Variants in ILRUN observed in about 807,000 individuals in gnomAD.
ILRUN encodes protein ILRUN.
ILRUN carries 3 observed loss-of-function variants against 33.8 expected under a neutral mutation model. The ratio of observed to expected loss-of-function variants is 0.09; its 90% CI spans 0.04 to 0.23. ILRUN has a LOEUF of 0.23. Ranked by LOEUF, ILRUN falls within the 10% of genes least tolerant of loss-of-function variation. The probability of loss-of-function intolerance (pLI) is 1.00; values close to 1 mark genes in which losing one functional copy is unlikely to be tolerated. For missense variants in ILRUN, 210 were observed against 375.1 expected (o/e 0.56, Z 3.64); for synonymous variants, 124 against 138.9 (o/e 0.89, Z 0.75).
chr6:34,650,571 C>G (rs1762644886), intron 2 of ILRUN, among the ~76,000 whole-genome samples: 1 of 151,948 alleles, frequency 6.6e-6, no homozygotes, highest in South Asian at 2.1e-4. Context: ...CGTGGGATTA[C>G]AGGCGCCTGC....
chr6:34,654,586 G>A (rs932133711), intron 2 of ILRUN, 39 bp downstream of exon 2: 1 of 1,558,662 alleles, frequency 6.4e-7, no homozygotes, highest in Non-Finnish European at 8.7e-7. Flanking sequence ...TTAAGAAAAT[G>A]AAAACTAGGC....
chr6:34,615,382 G>A (rs1761864111), intron 3 of ILRUN, among the ~76,000 whole-genome samples: 3 of 151,450 alleles, frequency 2.0e-5, no homozygotes, highest in South Asian at 4.2e-4. Flanking sequence ...GATCACCTAA[G>A]GTCAGGAGTT....
intron 3 of ILRUN, among the ~76,000 whole-genome samples, 172 bp from the exon 4 acceptor site, chr6:34,607,076 G>A (rs1400529956): frequency 2.6e-5 from 4 of 152,174 alleles, no homozygotes; most frequent in Non-Finnish European, 5.9e-5. Context: ...TGCATGCATA[G>A]CTACATTTTT....
chr6:34,686,744 G>C (rs376607864), intron 1 of ILRUN: 1 of 194,126 alleles, frequency 5.2e-6, no homozygotes, highest in African/African-American at 2.4e-5. Flanking sequence ...AGAGGCGGGC[G>C]GATCACGAGG....
chr6:34,652,967 C>T (rs979419258), intron 2 of ILRUN, among the ~76,000 whole-genome samples: 8 of 151,400 alleles, frequency 5.3e-5, no homozygotes, highest in African/African-American at 1.9e-4. Context: ...CACAATGAAA[C>T]CCTATTTCTA....
intron 1 of ILRUN, among the ~76,000 whole-genome samples, chr6:34,693,147 T>G (rs971633506): frequency 1.3e-5 from 2 of 152,088 alleles, no homozygotes; most frequent in African/African-American, 4.8e-5. Flanking sequence ...AGTATTAGAT[T>G]ATGACGCTAT....
chr6:34,671,198 G>T (rs1763110913), intron 1 of ILRUN, among the ~76,000 whole-genome samples: 1 of 152,076 alleles, frequency 6.6e-6, no homozygotes, highest in Non-Finnish European at 1.5e-5. Flanking sequence ...CTTAAGCCCA[G>T]GAGTTCAAGA....
intron 1 of ILRUN, among the ~76,000 whole-genome samples, chr6:34,670,497 T>C (rs1239758681): frequency 1.3e-5 from 2 of 152,150 alleles, no homozygotes; most frequent in East Asian, 3.9e-4. Flanking sequence ...GGGAAGAGTA[T>C]ACACAATCAC....
At chr6:34,617,016 C>T (rs2127334601) in intron 3 of ILRUN, 3 of 536,896 alleles carry the variant, frequency 5.6e-6, no homozygotes, top group South Asian at 1.4e-5. Context: ...AAGTGAGTTG[C>T]TCTGACAGAC....
At chr6:34,657,351 G>T (rs1434444570) in intron 1 of ILRUN, among the ~76,000 whole-genome samples, 1 of 152,114 alleles carries the variant, frequency 6.6e-6, no homozygotes, top group Admixed American at 6.6e-5. Context: ...CTGCCATCAG[G>T]ATAGGACTTT....
At chr6:34,688,117 G>C (rs1763565079) in intron 1 of ILRUN, among the ~76,000 whole-genome samples, 1 of 152,212 alleles carries the variant, frequency 6.6e-6, no homozygotes, top group Admixed American at 6.5e-5. Flanking sequence ...AGTGAGGCCA[G>C]GGGTGGGGGT....
chr6:34,679,957 C>A lies in ILRUN; in HGVS notation c.158+16489G>T, dbSNP rs189090632. ...GCTGCCCTAGAAACTTCAGAGGGAT[C>A]ATGGACCTGCTAACACCCTCAAATT... On this transcript the variant is annotated intron_variant, in intron 1 of 4. Coordinates refer to ENST00000374023, the MANE Select transcript of ILRUN (RefSeq NM_024294.4). Among the ~76,000 whole-genome samples the A allele has an allele frequency of 3.8e-3, 575 of 152,352 alleles. 1 individual carries two copies. Among genetic ancestry groups the A allele is most frequent in the African/African-American group, 0.012 (517 of 41,590 alleles).
chr6:34,594,190 C>T (rs1761350022), intron 4 of ILRUN, among the ~76,000 whole-genome samples: 1 of 152,206 alleles, frequency 6.6e-6, no homozygotes, highest in South Asian at 2.1e-4. Context: ...AATATCTTCT[C>T]TTACACTTGT....
In ILRUN at chr6:34,630,790, C is replaced by T. The variant is rs1329905735; in HGVS notation, c.511+15811G>A. Among the ~76,000 whole-genome samples the T allele has an allele frequency of 2.6e-5, 4 of 151,608 alleles. No homozygotes were observed. The Admixed American group carries it at 2.6e-4, about 10-fold the overall frequency. The stretch of plus-strand genomic sequence containing the variant: ...TCAGCCTCCCAAATAACTGGGACTA[C>T]ACGCACACATCACTGTACCTGGCTT... On this transcript the variant is annotated intron_variant, in intron 3 of 4. Coordinates refer to ENST00000374023, the MANE Select transcript of ILRUN (RefSeq NM_024294.4).
At chr6:34,593,005 T>C (rs1761326441) in intron 4 of ILRUN, among the ~76,000 whole-genome samples, 1 of 151,542 alleles carries the variant, frequency 6.6e-6, no homozygotes, top group African/African-American at 2.4e-5. Flanking sequence ...TGTGACTCCA[T>C]CTCCACGCGC....
rs1008189617 is a variant in ILRUN, at chr6:34,696,472, G to A, written c.132C>T (p.Cys44=). 1 of 1,600,018 alleles carries A rather than the reference G, an allele frequency of 6.2e-7. No individual in the cohort carries two copies. Among genetic ancestry groups the A allele is most frequent in the African/African-American group, 1.3e-5 (1 of 74,744 alleles). Residue 44 remains cysteine (C), a synonymous_variant, in exon 1 of 5, where the codon TGC becomes TGT. Transcript: ENST00000374023. ...LLGFQLNPAG[C]AFFLDMTNWN... is the part of the protein sequence containing the mutation. The stretch of plus-strand genomic sequence containing the variant: ...AGTTGGTCATGTCCAGGAAGAAGGC[G>A]CAACCGGCAGGATTGAGCTGGAAGC...
intron 3 of ILRUN, among the ~76,000 whole-genome samples, chr6:34,625,846 CTTTTT>C (rs58219612): frequency 2.6e-5 from 3 of 114,244 alleles, no homozygotes; most frequent in Admixed American, 9.1e-5. Flanking sequence ...TATTGAAAGG[CTTTTT>C]TTTTTTTTTT....
At position 34,592,851 on chromosome 6, in the gene ILRUN, C is replaced by T. The variant is rs979101913; in HGVS notation, c.862-2251G>A. 4.6e-5 allele frequency among the ~76,000 whole-genome samples: 7 copies of T among 152,114 alleles called. No homozygotes were observed. Among genetic ancestry groups the T allele is most frequent in the Non-Finnish European group, 7.4e-5 (5 of 68,018 alleles). ...TAGAACCAATACAATGCTCAAAGGT[C>T]TCTGTGCAGGAAAAAAAAATGCACA... is the stretch of plus-strand genomic sequence containing the variant. On this transcript the variant is annotated intron_variant, in intron 4 of 4. Transcript: ENST00000374023. This position sits in a 1 kb window ranked among gnomAD's most constrained non-coding sequence, Gnocchi z 4.0.
chr6:34,680,796 C>G (rs1249382036), intron 1 of ILRUN, among the ~76,000 whole-genome samples: 1 of 150,768 alleles, frequency 6.6e-6, no homozygotes, highest in Non-Finnish European at 1.5e-5. Context: ...ACATTCGGAT[C>G]CTAACAATTT....
Sources: allele counts gnomAD v4.1 joint callset (sites outside exome capture counted in the v4.1 genomes callset), GRCh38; gene constraint gnomAD v4.1.1; non-coding constraint Gnocchi (gnomAD v3.1); transcripts MANE v1.5; gene names NCBI Gene and HGNC (gene_info 2026-07-23, HGNC 2026-07-21).